Variants in MYO1C observed in about 807,000 individuals in gnomAD.
MYO1C encodes unconventional myosin-Ic.
In MYO1C, 104 loss-of-function variants were observed where a neutral mutation model predicts 150.8. The ratio of observed to expected loss-of-function variants is 0.69; its 90% CI spans 0.59 to 0.81. The LOEUF (loss-of-function observed/expected upper bound fraction) is 0.81, where lower values mean the gene tolerates loss of function less well. Among genes scored for constraint, MYO1C ranks in the 30% least tolerant of loss-of-function variants. The pLI is 0.00. For missense variants in MYO1C, 1,504 were observed against 1,435.0 expected (o/e 1.05, Z -0.78); for synonymous variants, 663 against 579.9 (o/e 1.14, Z -2.06).
At chr17:1,467,136 C>G in intron 31 of MYO1C, 106 bp downstream of exon 31, 1 of 1,061,980 alleles carries the variant, frequency 9.4e-7, no homozygotes. Flanking sequence ...GTATGATGGC[C>G]TCTGGATGAA....
Position 1,467,856 on chromosome 17 carries a change from G to C in MYO1C, c.2951C>G (p.Ala984Gly), listed in dbSNP as rs755583364. 3 of 1,597,942 alleles carry C rather than the reference G, an allele frequency of 1.9e-6. No homozygotes were observed. In the South Asian group the frequency reaches 3.3e-5, roughly 18 times the overall value. The change falls in exon 29 of 32, where the codon GCG (alanine) becomes GGG (glycine). Residue 984 changes from alanine to glycine, a missense_variant. Transcript: ENST00000648651. ...AAAAGGCACCTTTTGCTTATTGTCC[G>C]CACGCTGTACATGAAGCACAAAAAG... ...DSLFVLHVQR[A>G]DNKQKGDVVL...
chr17:1,469,018 C>T, intron 25 of MYO1C: 1 of 287,762 alleles, frequency 3.5e-6, no homozygotes, highest in Non-Finnish European at 6.8e-6. Flanking sequence ...ACCCTACTGG[C>T]CACCCCAGCT....
intron 31 of MYO1C, 55 bp downstream of exon 31, chr17:1,467,187 A>C (rs372472695): frequency 6.6e-7 from 1 of 1,519,596 alleles, no homozygotes; most frequent in South Asian, 1.2e-5. Context: ...AGCACAGCCA[A>C]GGAAGGCTTG....
At chr17:1,484,383 G>T in intron 1 of MYO1C, 80 bp from the exon 2 acceptor site, 1 of 1,550,442 alleles carries the variant, frequency 6.4e-7, no homozygotes, top group Non-Finnish European at 8.8e-7. Flanking sequence ...GTGGGACTGA[G>T]AGGGAACGTA....
rs773523408 is a variant in MYO1C, at chr17:1,480,686, C to A, written c.807+20G>T. ...CACCAGATCCCTGGGTGGCACCTGCCCTCCCTGCCAGCCACTCACCTTCAC... is the reference window on the plus strand; with the variant it reads ...CACCAGATCCCTGGGTGGCACCTGCACTCCCTGCCAGCCACTCACCTTCAC... On this transcript the variant is annotated intron_variant, in intron 6 of 31. Coordinates refer to ENST00000648651, the MANE Select transcript of MYO1C (RefSeq NM_001080779.2). The A allele has an allele frequency of 4.3e-6, 7 of 1,613,990 alleles. No individual in the cohort carries two copies. Among genetic ancestry groups the A allele is most frequent in the Non-Finnish European group, 5.9e-6 (7 of 1,180,010 alleles).
rs2074296986 is a variant in MYO1C, at chr17:1,471,270, C to A, written c.2088G>T (p.Val696=). ...WAGRPQDGVA[V]LVRHLGYKPE... ...GCTTGTAGCCCAGGTGTCGGACCAG[C>A]ACAGCCACCCCATCCTGCGGCCGTC... The change falls in exon 20 of 32, where the codon GTG becomes GTT. Residue 696 remains valine, a synonymous_variant. Coordinates refer to ENST00000648651, the MANE Select transcript of MYO1C (RefSeq NM_001080779.2). 1 of 1,613,996 alleles carries A rather than the reference C, an allele frequency of 6.2e-7. No individual in the cohort carries two copies. The highest frequency in any genetic ancestry group is 8.5e-7 in the Non-Finnish European group (1 of 1,180,010).
rs145917153 is a variant in MYO1C at position 1,482,743 on chromosome 17, GC to G, written c.546+117del. The stretch of plus-strand genomic sequence containing the variant: ...CCTCCTGCACTGGGCTTCTCTCCCT[GC>G]CCCTCCCCTCCCCTCCCACACTAGC... On this transcript the variant is annotated intron_variant, in intron 4 of 31. Transcript: ENST00000648651. 940 of 237,804 alleles carry G rather than the reference GC, an allele frequency of 4.0e-3. 15 individuals are homozygous for G. Among genetic ancestry groups the G allele is most frequent in the African/African-American group, 0.018 (204 of 11,318 alleles). The allele number at this position is 237,804 out of a possible 1,614,324, so 14.7% of individuals were successfully genotyped here. A position where few individuals can be genotyped will look rare whatever the true frequency, so the allele number is the denominator to read the frequency against.
At chr17:1,483,589 G>C (rs200068102) in intron 3 of MYO1C, 21 bp downstream of exon 3, 1 of 1,577,536 alleles carries the variant, frequency 6.3e-7, no homozygotes, top group Non-Finnish European at 8.6e-7. Context: ...GGTCGCTCCC[G>C]GAGGGGCTGG....
rs182279486 is a variant in MYO1C, at chr17:1,480,373, A to G, written c.906+154T>C. 0.017 allele frequency among the ~76,000 whole-genome samples: 2,428 copies of G among 145,456 alleles called. 81 individuals are homozygous for G. The highest frequency in any genetic ancestry group is 0.059 in the African/African-American group (2,290 of 38,984). The stretch of plus-strand genomic sequence containing the variant: ...TGAGGCAGGAGAATTGCTTGAACCC[A>G]GGAGGCGGAGGTTGCAGTGAGCTGA... On this transcript the variant is annotated intron_variant, in intron 7 of 31. Coordinates refer to ENST00000648651, the MANE Select transcript of MYO1C (RefSeq NM_001080779.2).
chr17:1,480,694 C>A lies in MYO1C; in HGVS notation c.807+12G>T. On this transcript the variant is annotated intron_variant, in intron 6 of 31. Coordinates refer to ENST00000648651, the MANE Select transcript of MYO1C (RefSeq NM_001080779.2). Reference sequence around the variant, plus strand: ...CCCTGGGTGGCACCTGCCCTCCCTGCCAGCCACTCACCTTCACCAGGTACA... The same window carrying A: ...CCCTGGGTGGCACCTGCCCTCCCTGACAGCCACTCACCTTCACCAGGTACA... The A allele has an allele frequency of 1.2e-6, 2 of 1,614,140 alleles. No individual in the cohort carries two copies. The highest frequency in any genetic ancestry group is 8.5e-7 in the Non-Finnish European group (1 of 1,180,016).
At chr17:1,485,368 C>G (rs1598347550) in intron 1 of MYO1C, 3 of 153,186 alleles carry the variant, frequency 2.0e-5, no homozygotes, top group Non-Finnish European at 2.9e-5. Flanking sequence ...GGCCGGGGGC[C>G]TGCCCCTCCC....
rs553193848 is a variant in MYO1C at position 1,484,509 on chromosome 17, C to G, written c.76-206G>C. 7.1e-4 allele frequency: 454 copies of G among 641,978 alleles called. 3 individuals carry two copies. Among genetic ancestry groups the G allele is most frequent in the South Asian group, 4.5e-3 (249 of 54,898 alleles). 39.8% of individuals were successfully genotyped at this position (641,978 alleles called of 1,614,324 possible). On this transcript the variant is annotated intron_variant, in intron 1 of 31. Transcript: ENST00000648651. Reference sequence around the variant, plus strand: ...TGCGGAAAGCCGGGTGTGGAGGGCCCGGGTCCCAGTGTGGCAGCAGAGGGA... The same window carrying G: ...TGCGGAAAGCCGGGTGTGGAGGGCCGGGGTCCCAGTGTGGCAGCAGAGGGA...
At position 1,474,851 on chromosome 17, in the gene MYO1C, C is replaced by T; in HGVS notation, c.1677G>A (p.Leu559=). ...GEVTYSVTGF[L]DKNNDLLFRN... ...GGAAGAGAAGGTCATTGTTTTTGTC[C>T]AGAAACCCTGGGAGGGGAGAACCGA... The change falls in exon 16 of 32, where the codon CTG becomes CTA. Residue 559 remains leucine (L), a synonymous_variant. Transcript: ENST00000648651. The T allele has an allele frequency of 3.1e-6, 5 of 1,614,050 alleles. No individual in the cohort carries two copies. Among genetic ancestry groups the T allele is most frequent in the East Asian group, 2.2e-5 (1 of 44,884 alleles).
chr17:1,471,258 G>T lies in MYO1C; in HGVS notation c.2100C>A (p.His700Gln). 1 of 1,613,938 alleles carries T rather than the reference G, an allele frequency of 6.2e-7. No individual in the cohort carries two copies. Among genetic ancestry groups the T allele is most frequent in the East Asian group, 2.2e-5 (1 of 44,860 alleles). ...TGTACTCTTCTGGCTTGTAGCCCAG[G>T]TGTCGGACCAGCACAGCCACCCCAT... Reference protein sequence around the residue: ...PQDGVAVLVRHLGYKPEEYKM... With the variant: ...PQDGVAVLVRQLGYKPEEYKM... The change falls in exon 20 of 32, where the codon CAC becomes CAA. Residue 700 changes from histidine (H) to glutamine (Q), a missense_variant. Coordinates refer to ENST00000648651, the MANE Select transcript of MYO1C (RefSeq NM_001080779.2).
chr17:1,492,647 G>A lies in MYO1C; in HGVS notation c.-160C>T. 1.4e-6 allele frequency: 1 copy of A among 703,186 alleles called. No homozygotes were observed. Among genetic ancestry groups the A allele is most frequent in the Non-Finnish European group, 2.5e-6 (1 of 400,058 alleles). 43.6% of individuals were successfully genotyped at this position (703,186 alleles called of 1,614,324 possible). A position where few individuals can be genotyped will look rare whatever the true frequency, so the allele number is the denominator to read the frequency against. The stretch of plus-strand genomic sequence containing the variant: ...AACTGCAGCCCCAGGGGATGTGGCT[G>A]GTCCAGCTCCTCAGGACACGGCTGG... On this transcript the variant is annotated 5_prime_UTR_variant, in exon 1 of 32. Coordinates refer to ENST00000648651, the MANE Select transcript of MYO1C (RefSeq NM_001080779.2).
chr17:1,484,481 G>A (rs1200842929), intron 1 of MYO1C, 178 bp from the exon 2 acceptor site: 4 of 728,090 alleles, frequency 5.5e-6, no homozygotes, highest in African/African-American at 1.7e-5. Flanking sequence ...GTGGTGGGCC[G>A]GGTGCGGAAA....
At chr17:1,487,351 G>C (rs1432305914) in intron 1 of MYO1C, among the ~76,000 whole-genome samples, 2 of 152,266 alleles carry the variant, frequency 1.3e-5, no homozygotes, top group Non-Finnish European at 2.9e-5. Context: ...GGTGGGGTTA[G>C]GCAGAGCGGG....
chr17:1,473,168 C>T (rs2074338724), intron 17 of MYO1C, among the ~76,000 whole-genome samples: 1 of 152,206 alleles, frequency 6.6e-6, no homozygotes, highest in East Asian at 1.9e-4. Flanking sequence ...CCACTGCACT[C>T]CAGCCTGGGT....
intron 19 of MYO1C, 110 bp downstream of exon 19, chr17:1,471,797 G>A (rs926582207): frequency 2.8e-5 from 33 of 1,182,724 alleles, no homozygotes; most frequent in Non-Finnish European, 3.4e-5. Context: ...CAGGGCCTCC[G>A]CATCCGCATT....
Sources: allele counts gnomAD v4.1 joint callset (sites outside exome capture counted in the v4.1 genomes callset), GRCh38; gene constraint gnomAD v4.1.1; transcripts MANE v1.5; gene names NCBI Gene and HGNC (gene_info 2026-07-23, HGNC 2026-07-21).